Variants in RASA4B observed in about 807,000 individuals in gnomAD.
RASA4B encodes RAS p21 protein activator 4B.
Under a neutral mutation model 24.2 loss-of-function variants are expected in RASA4B, and 2 were observed. The observed-to-expected ratio is 0.08, with a 90% CI of 0.03 to 0.26. The LOEUF (loss-of-function observed/expected upper bound fraction) is 0.26. Among genes scored for constraint, RASA4B ranks in the 10% least tolerant of loss-of-function variants. The pLI is 1.00. For synonymous variants in RASA4B, 2 were observed against 125.6 expected, an observed-to-expected ratio of 0.02 and a Z score of 6.58; for missense variants, 8 against 277.2, an observed-to-expected ratio of 0.03 and a Z score of 6.90.
At chr7:102,508,802 C>CATTT (rs1173390107) in intron 4 of RASA4B, among the ~76,000 whole-genome samples, 1 of 149,624 alleles carries the variant, frequency 6.7e-6, no homozygotes, top group Non-Finnish European at 1.5e-5. Flanking sequence ...ATTTTTTATT[C>CATTT]ATTTATTTAT....
intron 16 of RASA4B, among the ~76,000 whole-genome samples, chr7:102,491,707 C>T (rs1475086894): frequency 3.8e-5 from 3 of 79,298 alleles, no homozygotes; most frequent in Non-Finnish European, 1.0e-4. Context: ...GCGGAGGTTG[C>T]GGTGAGCCAA....
At chr7:102,498,088 G>GGGGTCTTGCTATGTTGCCCAGGC (rs1799222710) in intron 8 of RASA4B, among the ~76,000 whole-genome samples, 1 of 120,572 alleles carries the variant, frequency 8.3e-6, no homozygotes, top group East Asian at 2.5e-4. Flanking sequence ...TTTTAGAGAT[G>GGGGTCTTGCTATGTTGCCCAGGC]GGGTCTTGCT....
At chr7:102,498,306 G>A (rs1799237142) in intron 8 of RASA4B, among the ~76,000 whole-genome samples, 1 of 150,212 alleles carries the variant, frequency 6.7e-6, no homozygotes, top group Non-Finnish European at 1.5e-5. Flanking sequence ...CTGTCACCCA[G>A]GCTGGAGTGC....
At position 102,496,152 on chromosome 7, in the gene RASA4B, C is replaced by A; in HGVS notation, c.1059G>T (p.Glu353Asp). Residue 353 changes from glutamate to aspartate, a missense_variant, in exon 11 of 21, where the codon GAG becomes GAT. Transcript: ENST00000465829. ...CATGCAACCTCACCTTCAGAAAAGACTCCACGGACTTTGAGGCCAGAGAGT... is the reference window on the plus strand; with the variant it reads ...CATGCAACCTCACCTTCAGAAAAGAATCCACGGACTTTGAGGCCAGAGAGT... ...RSNSLASKSVESFLKVAGMQY... is the reference protein window; with the variant it reads ...RSNSLASKSVDSFLKVAGMQY... The A allele has an allele frequency of 6.2e-7, 1 of 1,613,908 alleles. No individual in the cohort carries two copies. Among genetic ancestry groups the A allele is most frequent in the African/African-American group, 1.3e-5 (1 of 75,080 alleles).
At position 102,481,234 on chromosome 7, in the gene RASA4B, T is replaced by TTTTTTA. The variant is rs1471968219; in HGVS notation, c.*2357_*2358insTAAAAA. On this transcript the variant is annotated 3_prime_UTR_variant, in exon 21 of 21. Coordinates refer to ENST00000465829, the MANE Select transcript of RASA4B (RefSeq NM_001367767.2). Reference sequence around the variant, plus strand: ...TTTCCCTTTTTTTTTTTTTTTTTTTTAATTTTAGGGACTAGGTTTTGCTAT... The same window carrying TTTTTTA: ...TTTCCCTTTTTTTTTTTTTTTTTTTTTTTTTAAATTTTAGGGACTAGGTTTTGCTAT... 1.4e-4 allele frequency among the ~76,000 whole-genome samples: 8 copies of TTTTTTA among 56,616 alleles called. No individual in the cohort carries two copies. The highest frequency in any genetic ancestry group is 2.1e-4 in the African/African-American group (4 of 19,398). The allele number at this position is 56,616 out of a possible 152,430, so 37.1% of individuals were successfully genotyped here. A position where few individuals can be genotyped will look rare whatever the true frequency, so the allele number is the denominator to read the frequency against.
At chr7:102,511,706 C>A (rs868101514) in intron 2 of RASA4B, among the ~76,000 whole-genome samples, 1 of 35,236 alleles carries the variant, frequency 2.8e-5, no homozygotes, top group Non-Finnish European at 6.5e-5. Flanking sequence ...GAACAGAGTC[C>A]GGTGAGAGGC....
intron 5 of RASA4B, among the ~76,000 whole-genome samples, chr7:102,504,700 C>CAA: frequency 1.3e-5 from 1 of 76,924 alleles, no homozygotes; most frequent in Non-Finnish European, 2.8e-5. Context: ...AAAAAACCCA[C>CAA]CAAAAAAAAA....
chr7:102,491,949 CA>C (rs1247978634), intron 16 of RASA4B, among the ~76,000 whole-genome samples: 2 of 23,954 alleles, frequency 8.3e-5, no homozygotes, highest in African/African-American at 1.4e-4. Flanking sequence ...CCCATCTCCG[CA>C]AAAAAAAAAG....
chr7:102,512,998 AC>A (rs1216145910), intron 1 of RASA4B, among the ~76,000 whole-genome samples: 4 of 145,398 alleles, frequency 2.8e-5, no homozygotes, highest in Admixed American at 1.4e-4. Flanking sequence ...ATGCCCTCCT[AC>A]CCCATCCCTG....
intron 17 of RASA4B, among the ~76,000 whole-genome samples, chr7:102,489,488 C>CTAAT (rs1276737321): frequency 0.046 from 5,301 of 114,696 alleles, 10 homozygotes; most frequent in East Asian, 0.13. Flanking sequence ...AATTAATTTA[C>CTAAT]TAATTAATTT....
intron 8 of RASA4B, among the ~76,000 whole-genome samples, chr7:102,498,793 A>G (rs1365345692): frequency 9.4e-6 from 1 of 106,510 alleles, no homozygotes; most frequent in African/African-American, 3.3e-5. Flanking sequence ...AAACTCCCAA[A>G]GTGTTGGGAT....
At chr7:102,489,642 ACC>A (rs1798841927) in intron 17 of RASA4B, among the ~76,000 whole-genome samples, 1 of 143,144 alleles carries the variant, frequency 7.0e-6, no homozygotes. Flanking sequence ...ACAGGCACCC[ACC>A]ACCACACCCG....
At chr7:102,490,792 G>GCCCCTCCCACA (rs1293031135) in intron 17 of RASA4B, among the ~76,000 whole-genome samples, 194 bp downstream of exon 17, 1 of 26,384 alleles carries the variant, frequency 3.8e-5, no homozygotes, top group Admixed American at 3.7e-4. Flanking sequence ...CAGCACCCAG[G>GCCCCTCCCACA]GCATTCCCAT....
chr7:102,480,207 G>T lies in RASA4B; in HGVS notation c.*3385C>A, dbSNP rs1362909360. On this transcript the variant is annotated 3_prime_UTR_variant, in exon 21 of 21. Transcript: ENST00000465829. ...CTGTTGCCAAGCCCACCGTGGTCTA[G>T]CTGTAGCGTTAGTGTCAAGGAAAAA... 3.3e-5 allele frequency among the ~76,000 whole-genome samples: 5 copies of T among 152,160 alleles called. No individual in the cohort carries two copies. Among genetic ancestry groups the T allele is most frequent in the Non-Finnish European group, 7.3e-5 (5 of 68,038 alleles).
intron 17 of RASA4B, among the ~76,000 whole-genome samples, chr7:102,489,546 G>A (rs1798828544): frequency 6.9e-6 from 1 of 144,822 alleles, no homozygotes; most frequent in Non-Finnish European, 1.5e-5. Flanking sequence ...AGGCTGGAGT[G>A]CAGTGGCTCG....
chr7:102,506,500 G>A (rs369255353), intron 5 of RASA4B, among the ~76,000 whole-genome samples, 195 bp downstream of exon 5: 7,087 of 126,276 alleles, frequency 0.056, no homozygotes, highest in East Asian at 0.11. Flanking sequence ...ACCTGCCTCG[G>A]CCTCCCAAAG....
chr7:102,502,296 C>T (rs142899563), intron 6 of RASA4B, among the ~76,000 whole-genome samples: 1,767 of 5,200 alleles, frequency 0.34, 18 homozygotes, highest in East Asian at 0.49. Flanking sequence ...GGGGGAAGGG[C>T]GGGAAGGGGG....
intron 11 of RASA4B, among the ~76,000 whole-genome samples, chr7:102,495,870 C>G: frequency 6.9e-6 from 1 of 144,562 alleles, no homozygotes; most frequent in East Asian, 2.2e-4. Flanking sequence ...CCATGCCAGG[C>G]TAATTTTTGT....
At chr7:102,496,442 T>G (rs1251130967) in intron 10 of RASA4B, 27 bp downstream of exon 10, 1 of 881,388 alleles carries the variant, frequency 1.1e-6, no homozygotes, top group Non-Finnish European at 1.8e-6. Flanking sequence ...CCCAGTGTTC[T>G]GGGCCCAGCT....
Sources: allele counts gnomAD v4.1 joint callset (sites outside exome capture counted in the v4.1 genomes callset), GRCh38; gene constraint gnomAD v4.1.1; transcripts MANE v1.5; gene names NCBI Gene and HGNC (gene_info 2026-07-23, HGNC 2026-07-21).